RBBP8: variants seen among roughly 807,000 people sequenced by gnomAD.
RBBP8 encodes the protein DNA endonuclease RBBP8.
Under a neutral mutation model 108.3 loss-of-function variants are expected in RBBP8, and 88 were observed. The ratio of observed to expected loss-of-function variants is 0.81; its 90% CI spans 0.68 to 0.97. The LOEUF (loss-of-function observed/expected upper bound fraction) is 0.97, where lower values mean the gene tolerates loss of function less well. Ranked by LOEUF, RBBP8 falls within the 50% of genes least tolerant of loss-of-function variation. The probability of loss-of-function intolerance (pLI) is 0.00; values close to 1 mark genes in which losing one functional copy is unlikely to be tolerated. For synonymous variants in RBBP8, 332 were observed against 348.2 expected, an observed-to-expected ratio of 0.95 and a Z score of 0.52; for missense variants, 1,023 against 1,049.0, an observed-to-expected ratio of 0.98 and a Z score of 0.34.
chr18:22,927,483 G>T (rs951974552), intron 3 of RBBP8, among the ~76,000 whole-genome samples: 5 of 152,126 alleles, frequency 3.3e-5, no homozygotes, highest in Non-Finnish European at 7.4e-5. Context: ...TATTATATAT[G>T]CTGGGCCTGC....
chr18:23,000,226 A>C (rs916493114), intron 14 of RBBP8, among the ~76,000 whole-genome samples: 2 of 152,158 alleles, frequency 1.3e-5, no homozygotes, highest in Non-Finnish European at 2.9e-5. Context: ...ATATAGAATA[A>C]TCTTAGGCCT....
chr18:22,951,552 C>G (rs146987040), intron 4 of RBBP8, among the ~76,000 whole-genome samples: 1 of 152,154 alleles, frequency 6.6e-6, no homozygotes, highest in African/African-American at 2.4e-5. Context: ...CCCCTACCAA[C>G]AAGCAAACAA....
chr18:22,934,851 ATT>A (rs1910394359), intron 1 of RBBP8: 1 of 151,894 alleles, frequency 6.6e-6, no homozygotes, highest in Middle Eastern at 3.2e-3. Flanking sequence ...GACCTTGGAC[ATT>A]TACTGCCTTA....
chr18:22,919,648 T>G (rs991801509), intron 3 of RBBP8, among the ~76,000 whole-genome samples: 1 of 152,030 alleles, frequency 6.6e-6, no homozygotes, highest in African/African-American at 2.4e-5. Flanking sequence ...GCCTACCAGG[T>G]TCAAGCGATT....
Position 22,925,764 on chromosome 18 carries a change from T to C in RBBP8, c.-153-3619T>C, listed in dbSNP as rs188994715. Among the ~76,000 whole-genome samples, 1,436 of 152,348 alleles carry C rather than the reference T, an allele frequency of 9.4e-3. 25 individuals are homozygous for C. The highest frequency in any genetic ancestry group is 9.3e-3 in the Non-Finnish European group (636 of 68,040). Reference sequence around the variant, plus strand: ...TCCGACGGTTAGCCCTTCATAATATTTTCCATTGCTGTAAATAAATATTAC... The same window carrying C: ...TCCGACGGTTAGCCCTTCATAATATCTTCCATTGCTGTAAATAAATATTAC... On this transcript the variant is annotated intron_variant, in intron 3 of 4. Transcript: ENST00000577588.
chr18:22,954,916 C>A (rs557558628), intron 4 of RBBP8, among the ~76,000 whole-genome samples: 2 of 152,254 alleles, frequency 1.3e-5, no homozygotes, highest in South Asian at 4.1e-4. Flanking sequence ...GTTAACTGCC[C>A]CCATGATTCA....
intron 2 of RBBP8, among the ~76,000 whole-genome samples, chr18:22,943,906 T>A (rs1911314591): frequency 6.6e-6 from 1 of 152,214 alleles, no homozygotes; most frequent in Non-Finnish European, 1.5e-5. Flanking sequence ...ATACAGGCCC[T>A]TGATTGTTTC....
At chr18:22,982,152 A>G in intron 6 of RBBP8, 66 bp from the exon 7 acceptor site, 5 of 1,513,444 alleles carry the variant, frequency 3.3e-6, no homozygotes, top group Non-Finnish European at 3.6e-6. Flanking sequence ...CTGTAACTCC[A>G]TGCCATGTAG....
In RBBP8 at chr18:22,977,565, G is replaced by A. The variant is rs183667180; in HGVS notation, c.428+2346G>A. Among the ~76,000 whole-genome samples the A allele has an allele frequency of 3.7e-3, 557 of 152,152 alleles. 3 individuals carry two copies. Among genetic ancestry groups the A allele is most frequent in the African/African-American group, 0.013 (540 of 41,534 alleles). On this transcript the variant is annotated intron_variant, in intron 6 of 18. Coordinates refer to ENST00000327155, the MANE Select transcript of RBBP8 (RefSeq NM_002894.3). ...GTGAAAGTCAAGGGAGTCTATACAC[G>A]TAAGAGTTCAAAGGACTGTAGAACT...
intron 4 of RBBP8, among the ~76,000 whole-genome samples, chr18:22,960,448 A>T (rs926315336): frequency 6.6e-6 from 1 of 152,184 alleles, no homozygotes; most frequent in African/African-American, 2.4e-5. Context: ...CAGGCTGCTG[A>T]GGTGGGAGGA....
chr18:23,000,000 T>C (rs2045920460), intron 14 of RBBP8, among the ~76,000 whole-genome samples: 1 of 152,236 alleles, frequency 6.6e-6, no homozygotes, highest in Non-Finnish European at 1.5e-5. Flanking sequence ...AATAAATGTT[T>C]AATTATCAAT....
chr18:23,005,035 G>A (rs141197473), intron 15 of RBBP8, among the ~76,000 whole-genome samples: 254 of 152,050 alleles, frequency 1.7e-3, no homozygotes, highest in African/African-American at 5.6e-3. Context: ...GGTGGCGTGC[G>A]CCTAGTAGTC....
In RBBP8 at chr18:22,992,756, A is replaced by G; in HGVS notation, c.929A>G (p.Asp310Gly). ...RNTEDSLRFS[D>G]STSKTPPQEE... ...TATCACTCTTTATTTAGATTTTCAG[A>G]TTCTACTTCAAAGACTCCTCCTCAA... Residue 310 changes from aspartate (D) to glycine (G), a missense_variant, in exon 11 of 19, where the codon GAT (aspartate) becomes GGT (glycine). Coordinates refer to ENST00000327155, the MANE Select transcript of RBBP8 (RefSeq NM_002894.3). The G allele has an allele frequency of 6.3e-7, 1 of 1,584,854 alleles. No homozygotes were observed. Among genetic ancestry groups the G allele is most frequent in the Non-Finnish European group, 8.7e-7 (1 of 1,153,812 alleles).
intron 14 of RBBP8, among the ~76,000 whole-genome samples, chr18:22,999,660 A>G (rs1382117378): frequency 3.3e-5 from 5 of 151,980 alleles, no homozygotes; most frequent in Admixed American, 1.3e-4. Flanking sequence ...AAAAAAAAAA[A>G]TTACCCCATA....
chr18:23,000,111 G>A lies in RBBP8; in HGVS notation c.2144-1475G>A, dbSNP rs73966425. The stretch of plus-strand genomic sequence containing the variant: ...TACCTTATGGAACGTACATTCTAAT[G>A]AGAGAAATAAGCAATTGTATATATA... On this transcript the variant is annotated intron_variant, in intron 14 of 18. Coordinates refer to ENST00000327155, the MANE Select transcript of RBBP8 (RefSeq NM_002894.3). Among the ~76,000 whole-genome samples the A allele has an allele frequency of 1.5e-3, 235 of 152,304 alleles. 1 individual carries two copies. Among genetic ancestry groups the A allele is most frequent in the African/African-American group, 5.4e-3 (224 of 41,574 alleles).
intron 4 of RBBP8, among the ~76,000 whole-genome samples, chr18:22,954,016 T>TG (rs781685839): frequency 9.9e-5 from 15 of 152,026 alleles, no homozygotes; most frequent in Non-Finnish European, 2.1e-4. Context: ...AACAGAAGCA[T>TG]GGGGGTAACC....
At position 22,933,440 on chromosome 18, in the gene RBBP8, G is replaced by A. The variant is rs903513093; in HGVS notation, c.-223G>A. 6.5e-6 allele frequency: 1 copy of A among 154,302 alleles called. No individual in the cohort carries two copies. The highest frequency in any genetic ancestry group is 1.5e-5 in the Non-Finnish European group (1 of 68,228). 9.6% of individuals were successfully genotyped at this position (154,302 alleles called of 1,614,324 possible). A position where few individuals can be genotyped will look rare whatever the true frequency, so the allele number is the denominator to read the frequency against. On this transcript the variant is annotated 5_prime_UTR_variant, in exon 1 of 19. Coordinates refer to ENST00000327155, the MANE Select transcript of RBBP8 (RefSeq NM_002894.3). ...CCGGAGGGGTCGGCTTTCCCACCGA[G>A]GATTTGGCACTCTGGTGAGGGAAAA...
chr18:22,932,106 T>A (rs1462842347), upstream of RBBP8, among the ~76,000 whole-genome samples: 1 of 152,196 alleles, frequency 6.6e-6, no homozygotes, highest in East Asian at 1.9e-4. Flanking sequence ...GTGTCAAGGA[T>A]GACTCTTTGG....
chr18:23,009,300 G>A lies in RBBP8; in HGVS notation c.2357+2868G>A, dbSNP rs114000720. On this transcript the variant is annotated intron_variant, in intron 16 of 18. Transcript: ENST00000327155. ...TAATACCACCAATAATATAATTAAT[G>A]AAAATTGTTTGAAAACTTTTTGTAT... Among the ~76,000 whole-genome samples, 833 of 151,366 alleles carry A rather than the reference G, an allele frequency of 5.5e-3. 6 individuals carry two copies. Among genetic ancestry groups the A allele is most frequent in the African/African-American group, 0.02 (809 of 41,342 alleles).
Sources: allele counts gnomAD v4.1 joint callset (sites outside exome capture counted in the v4.1 genomes callset), GRCh38; gene constraint gnomAD v4.1.1; transcripts MANE v1.5; gene names NCBI Gene and HGNC (gene_info 2026-07-23, HGNC 2026-07-21).